PRKAR1B: variants seen among roughly 807,000 people sequenced by gnomAD.
The protein encoded by PRKAR1B is protein kinase cAMP-dependent type I regulatory subunit beta.
A neutral mutation model predicts 46.5 loss-of-function variants in PRKAR1B; 22 were observed. The ratio of observed to expected loss-of-function variants is 0.47; its 90% CI spans 0.34 to 0.68. The LOEUF (loss-of-function observed/expected upper bound fraction) is 0.68. Ranked by LOEUF, PRKAR1B falls within the 30% of genes least tolerant of loss-of-function variation. The pLI, the probability that PRKAR1B is intolerant of heterozygous loss-of-function variation, is 0.01. For missense variants in PRKAR1B, 445 were observed against 535.6 expected, an observed-to-expected ratio of 0.83 and a Z score of 1.67; for synonymous variants, 259 against 217.7, an observed-to-expected ratio of 1.19 and a Z score of -1.67.
intron 8 of PRKAR1B, 41 bp downstream of exon 8, chr7:584,467 G>C (rs767185994): frequency 6.3e-7 from 1 of 1,592,098 alleles, no homozygotes; most frequent in African/African-American, 1.3e-5. Context: ...CAGGCGCCCA[G>C]ATGTCGGGAC....
intron 2 of PRKAR1B, chr7:691,919 C>T: frequency 2.0e-6 from 2 of 1,007,074 alleles, no homozygotes; most frequent in Non-Finnish European, 1.2e-6. Flanking sequence ...CTGCGAGTCC[C>T]TTGCTCACAT....
chr7:693,520 C>T (rs954955550), intron 2 of PRKAR1B, among the ~76,000 whole-genome samples: 1 of 152,110 alleles, frequency 6.6e-6, no homozygotes, highest in Non-Finnish European at 1.5e-5. Flanking sequence ...CCTGTTGCGT[C>T]TGGCTCATTT....
chr7:726,726 G>A, intron 1 of PRKAR1B: 1 of 1,239,798 alleles, frequency 8.1e-7, no homozygotes, highest in African/African-American at 1.6e-5. Context: ...GCAAGATGGC[G>A]GCGCTGGGGG....
chr7:718,286 AC>A (rs1780951168), intron 1 of PRKAR1B, among the ~76,000 whole-genome samples: 1 of 149,332 alleles, frequency 6.7e-6, no homozygotes, highest in African/African-American at 2.5e-5. Flanking sequence ...ACACACACAC[AC>A]ACACACACAT....
chr7:728,433 T>C (rs1781440629), upstream of PRKAR1B, among the ~76,000 whole-genome samples: 1 of 152,194 alleles, frequency 6.6e-6, no homozygotes, highest in South Asian at 2.1e-4. Flanking sequence ...AAAAGATCAC[T>C]GCAGCTGCGT....
intron 4 of PRKAR1B, among the ~76,000 whole-genome samples, chr7:631,903 G>T (rs1181149695): frequency 6.6e-6 from 1 of 151,990 alleles, no homozygotes; most frequent in African/African-American, 2.4e-5. Context: ...GCTGCATAGA[G>T]CTGTGATGGC....
intron 4 of PRKAR1B, among the ~76,000 whole-genome samples, chr7:657,684 C>T (rs1785287319): frequency 6.6e-6 from 1 of 152,182 alleles, no homozygotes; most frequent in Non-Finnish European, 1.5e-5. Context: ...ACAGCTGTTC[C>T]TGGGAGTCAA....
chr7:672,067 C>G (rs1036070430), intron 4 of PRKAR1B, among the ~76,000 whole-genome samples: 1 of 152,316 alleles, frequency 6.6e-6, no homozygotes, highest in East Asian at 1.9e-4. Flanking sequence ...TTCCCTACCC[C>G]CACTGTGTTC....
At position 644,781 on chromosome 7, in the gene PRKAR1B, A is replaced by T. The variant is rs1583348729; in HGVS notation, c.440+32448T>A. 6.6e-6 allele frequency among the ~76,000 whole-genome samples: 1 copy of T among 151,744 alleles called. No homozygotes were observed. Among genetic ancestry groups the T allele is most frequent in the South Asian group, 2.1e-4 (1 of 4,802 alleles). On this transcript the variant is annotated intron_variant, in intron 4 of 10. Coordinates refer to ENST00000537384, the MANE Select transcript of PRKAR1B (RefSeq NM_001164760.2). This position sits in a 1 kb window ranked among gnomAD's most constrained non-coding sequence, Gnocchi z 4.9. ...CCAGGGCCAGACCCTTCCCCCAGAC[A>T]CCTCCCATAGCCTTCCAGGGAAGCG...
At chr7:584,087 T>C (rs112660735) in intron 8 of PRKAR1B, among the ~76,000 whole-genome samples, 568 of 152,208 alleles carry the variant, frequency 3.7e-3, no homozygotes, top group African/African-American at 0.013. Context: ...CCAGAGAAAC[T>C]GCGCTTAGAA....
At chr7:587,973 G>A (rs1182792727) in intron 7 of PRKAR1B, among the ~76,000 whole-genome samples, 1 of 152,238 alleles carries the variant, frequency 6.6e-6, no homozygotes, top group Non-Finnish European at 1.5e-5. Context: ...ACTTGTGTGG[G>A]GCTCAGGCCG....
In PRKAR1B at chr7:685,270, G is replaced by A. The variant is rs1286547698; in HGVS notation, c.178-4544C>T. On this transcript the variant is annotated intron_variant, in intron 2 of 10. Transcript: ENST00000537384. ...ACACGTTTTATATATACATATATAC[G>A]TATATATACGTATATATATGTATAC... Among the ~76,000 whole-genome samples the A allele has an allele frequency of 3.5e-3, 86 of 24,856 alleles. 13 individuals carry two copies. The highest frequency in any genetic ancestry group is 4.6e-3 in the Admixed American group (9 of 1,950). The allele number at this position is 24,856 out of a possible 152,430, so 16.3% of individuals were successfully genotyped here.
At chr7:616,838 T>C (rs1256620749) in intron 4 of PRKAR1B, among the ~76,000 whole-genome samples, 1 of 152,130 alleles carries the variant, frequency 6.6e-6, no homozygotes, top group Non-Finnish European at 1.5e-5. Context: ...CATGTATTTT[T>C]GGGAAAAAAA....
intron 1 of PRKAR1B, among the ~76,000 whole-genome samples, chr7:715,726 T>A (rs184074038): frequency 2.7e-4 from 41 of 152,194 alleles, no homozygotes; most frequent in East Asian, 1.5e-3. Context: ...ATTTTATTTT[T>A]TTTTTTTGAG....
At chr7:641,585 C>G (rs1583344394) in intron 4 of PRKAR1B, among the ~76,000 whole-genome samples, 1 of 152,134 alleles carries the variant, frequency 6.6e-6, no homozygotes, top group South Asian at 2.1e-4. Flanking sequence ...TGACAACAAC[C>G]CACAGGTCCA....
chr7:661,256 C>A (rs1785538474), intron 4 of PRKAR1B, among the ~76,000 whole-genome samples: 1 of 85,146 alleles, frequency 1.2e-5, no homozygotes, highest in Non-Finnish European at 2.4e-5. Flanking sequence ...CCTACTCTCC[C>A]CCCCATGGCA....
intron 1 of PRKAR1B, among the ~76,000 whole-genome samples, chr7:717,406 C>G (rs1203572598): frequency 6.6e-6 from 1 of 152,080 alleles, no homozygotes; most frequent in African/African-American, 2.4e-5. Context: ...CCTGCAATCC[C>G]AGAACTTTGC....
rs550803770 is a variant in PRKAR1B at position 655,927 on chromosome 7, G to C, written c.440+21302C>G. 3.3e-5 allele frequency among the ~76,000 whole-genome samples: 5 copies of C among 150,396 alleles called. No homozygotes were observed. In the East Asian group the frequency reaches 1.0e-3, roughly 30 times the overall value. On this transcript the variant is annotated intron_variant, in intron 4 of 10. Coordinates refer to ENST00000537384, the MANE Select transcript of PRKAR1B (RefSeq NM_001164760.2). ...GTTACATGAGACAGCATGTGAGGCT[G>C]CTCTCTGGGATACAAGGTCTGCCCC...
At chr7:692,729 C>T (rs1779503962) in intron 2 of PRKAR1B, among the ~76,000 whole-genome samples, 2 of 152,138 alleles carry the variant, frequency 1.3e-5, no homozygotes, top group Non-Finnish European at 2.9e-5. Flanking sequence ...ACATTGCCTC[C>T]TGAAGGTTGG....
Sources: gnomAD v4.1 joint callset for allele counts (sites outside exome capture counted in the v4.1 genomes callset) on GRCh38, gnomAD v4.1.1 for gene constraint, Gnocchi (gnomAD v3.1) non-coding constraint, MANE v1.5 for transcripts, NCBI Gene and HGNC (gene_info 2026-07-23, HGNC 2026-07-21) for gene names.